The following SQSTM1 variants were observed in gnomAD, a reference collection of about 807,000 sequenced individuals.
SQSTM1 encodes the protein sequestosome-1.
A neutral mutation model predicts 45.1 loss-of-function variants in SQSTM1; 36 were observed. The ratio of observed to expected loss-of-function variants is 0.80; its 90% CI spans 0.61 to 1.05. The LOEUF (loss-of-function observed/expected upper bound fraction) is 1.05, where lower values mean the gene tolerates loss of function less well. Among genes scored for constraint, SQSTM1 ranks in the 50% least tolerant of loss-of-function variants. SQSTM1 has a pLI of 0.00. For missense variants in SQSTM1, 617 were observed against 607.1 expected (o/e 1.02, Z -0.17); for synonymous variants, 290 against 244.3 (o/e 1.19, Z -1.74).
At chr5:179,820,802 C>T, upstream of SQSTM1, 1 of 855,342 alleles carries the variant, frequency 1.2e-6, no homozygotes, top group Non-Finnish European at 1.7e-6. Context: ...CGCGCCGCGA[C>T]GACGGTGGCG....
intron 1 of SQSTM1, among the ~76,000 whole-genome samples, chr5:179,810,628 C>T (rs1183486650): frequency 1.3e-5 from 2 of 152,176 alleles, no homozygotes; most frequent in African/African-American, 4.8e-5. Context: ...TGGGTATATA[C>T]CCAGTAATGG....
chr5:179,817,804 G>A (rs1290908434), upstream of SQSTM1, among the ~76,000 whole-genome samples: 2 of 152,072 alleles, frequency 1.3e-5, no homozygotes, highest in Non-Finnish European at 2.9e-5. Flanking sequence ...GAAGTCAGGA[G>A]TTCAAGACCA....
rs541743046 is a variant in SQSTM1, at chr5:179,837,311, A to G, written c.*718A>G. The G allele has an allele frequency of 1.2e-5, 19 of 1,598,406 alleles. No homozygotes were observed. Among genetic ancestry groups the G allele is most frequent in the Non-Finnish European group, 1.5e-5 (18 of 1,172,010 alleles). ...TAAGTTTATTGTTAATGGTTCTTAC[A>G]GAGTATCTTTAAAAGTGCCTTAGGG... On this transcript the variant is annotated 3_prime_UTR_variant, in exon 8 of 8. Coordinates refer to ENST00000389805, the MANE Select transcript of SQSTM1 (RefSeq NM_003900.5).
chr5:179,814,226 G>A (rs900643832), upstream of SQSTM1, among the ~76,000 whole-genome samples: 4 of 152,186 alleles, frequency 2.6e-5, no homozygotes, highest in Non-Finnish European at 5.9e-5. Flanking sequence ...GAGGGCAGAG[G>A]AAAAGCTTTT....
intron 5 of SQSTM1, among the ~76,000 whole-genome samples, chr5:179,831,985 A>G (rs1203435647): frequency 2.0e-5 from 3 of 152,024 alleles, no homozygotes; most frequent in Admixed American, 1.3e-4. Context: ...GGGTTTCACC[A>G]TATTAGCCAG....
At chr5:179,828,217 A>G (rs1403772879) in intron 5 of SQSTM1, among the ~76,000 whole-genome samples, 1 of 152,188 alleles carries the variant, frequency 6.6e-6, no homozygotes, top group African/African-American at 2.4e-5. Flanking sequence ...TCACGCTTTC[A>G]TCACCAAGTT....
At chr5:179,814,851 G>T (rs777457818), upstream of SQSTM1, among the ~76,000 whole-genome samples, 1 of 152,036 alleles carries the variant, frequency 6.6e-6, no homozygotes, top group Non-Finnish European at 1.5e-5. Flanking sequence ...AGCCCAAGAA[G>T]ATCATGGTTG....
intron 5 of SQSTM1, among the ~76,000 whole-genome samples, chr5:179,832,000 G>GTCTCGA (rs1758248606): frequency 6.6e-6 from 1 of 152,096 alleles, no homozygotes; most frequent in African/African-American, 2.4e-5. Context: ...AGCCAGGGTA[G>GTCTCGA]TCTCGATCTC....
Position 179,837,225 on chromosome 5 carries a change from C to G in SQSTM1, c.*632C>G. ...CCATCCTGTTAAATTTGTAAACAAT[C>G]TAATTAAATGGCATCAGCACTTTAA... On this transcript the variant is annotated 3_prime_UTR_variant, in exon 8 of 8. Coordinates refer to ENST00000389805, the MANE Select transcript of SQSTM1 (RefSeq NM_003900.5). 4 of 1,590,640 alleles carry G rather than the reference C, an allele frequency of 2.5e-6. No individual in the cohort carries two copies. The highest frequency in any genetic ancestry group is 3.4e-6 in the Non-Finnish European group (4 of 1,174,046).
Position 179,824,306 on chromosome 5 carries a change from G to A in SQSTM1, c.656G>A (p.Gly219Asp). The change falls in exon 4 of 8, where the codon GGC becomes GAC. Residue 219 changes from glycine (G) to aspartate (D), a missense_variant. Coordinates refer to ENST00000389805, the MANE Select transcript of SQSTM1 (RefSeq NM_003900.5). Reference sequence around the variant, plus strand: ...CCTCGTGCAGGGGAGGCCCGCCCTGGCCCCACGGCAGAATCAGGTGAGGCT... The same window carrying A: ...CCTCGTGCAGGGGAGGCCCGCCCTGACCCCACGGCAGAATCAGGTGAGGCT... ...RPPRAGEARP[G>D]PTAESASGPS... 6.2e-7 allele frequency: 1 copy of A among 1,613,610 alleles called. No homozygotes were observed. The highest frequency in any genetic ancestry group is 8.5e-7 in the Non-Finnish European group (1 of 1,180,034).
rs1392501507 is a variant in SQSTM1 at position 179,806,467 on chromosome 5, C to T, written c.-281C>T. On this transcript the variant is annotated 5_prime_UTR_variant, in exon 1 of 6. Transcript: ENST00000514093. The surrounding 1 kb of genome is among the most constrained non-coding windows in gnomAD (Gnocchi z 4.6). ...ACGCCCAGGTGCGCCAGGTGCGGGCCGGGCGGGGGTCGCGCTCACCTTTCT... is the reference window on the plus strand; with the variant it reads ...ACGCCCAGGTGCGCCAGGTGCGGGCTGGGCGGGGGTCGCGCTCACCTTTCT... The T allele has an allele frequency of 2.4e-6, 3 of 1,254,868 alleles. No individual in the cohort carries two copies. Among genetic ancestry groups the T allele is most frequent in the Non-Finnish European group, 3.1e-6 (3 of 973,222 alleles). 77.7% of individuals were successfully genotyped at this position (1,254,868 alleles called of 1,614,324 possible).
Position 179,837,533 on chromosome 5 carries a change from T to C in SQSTM1, c.*940T>C. The C allele has an allele frequency of 6.2e-7, 1 of 1,614,214 alleles. No individual in the cohort carries two copies. The highest frequency in any genetic ancestry group is 8.5e-7 in the Non-Finnish European group (1 of 1,180,030). Reference sequence around the variant, plus strand: ...CCATGAGGTCTTCCCGCAAGGCCTCTCAGACCCAGATGTGACGGGGTGTGT... The same window carrying C: ...CCATGAGGTCTTCCCGCAAGGCCTCCCAGACCCAGATGTGACGGGGTGTGT... On this transcript the variant is annotated 3_prime_UTR_variant, in exon 8 of 8. Transcript: ENST00000389805.
chr5:179,817,374 G>A (rs1357663948), upstream of SQSTM1, among the ~76,000 whole-genome samples: 1 of 152,152 alleles, frequency 6.6e-6, no homozygotes, highest in Non-Finnish European at 1.5e-5. Context: ...GTTGACGAGG[G>A]CCGCCCCCAA....
intron 5 of SQSTM1, among the ~76,000 whole-genome samples, chr5:179,827,509 A>C (rs1047807565): frequency 2.0e-5 from 3 of 151,706 alleles, no homozygotes; most frequent in Non-Finnish European, 4.4e-5. Flanking sequence ...TGGTCTCGAT[A>C]TCCTGACCTC....
intron 4 of SQSTM1, among the ~76,000 whole-genome samples, chr5:179,824,924 G>A (rs1318161029): frequency 6.6e-6 from 1 of 152,054 alleles, no homozygotes; most frequent in East Asian, 1.9e-4. Flanking sequence ...CAGGGTCACA[G>A]ATGAGGGGGA....
chr5:179,832,189 G>A (rs528974712), intron 5 of SQSTM1, among the ~76,000 whole-genome samples: 17 of 152,368 alleles, frequency 1.1e-4, no homozygotes, highest in Non-Finnish European at 1.6e-4. Flanking sequence ...TCCAGCAGCA[G>A]GCAAGAGCAG....
chr5:179,821,041 C>G lies in SQSTM1; in HGVS notation c.105C>G (p.Ala35=). ...GCAGCCCCGAGCCTGAGGCGGAAGC[C>G]GAGGCTGCGGCGGGTCCGGGACCCT... The part of the protein sequence containing the change: ...FCCSPEPEAE[A]EAAAGPGPCE... Residue 35 remains alanine (A), a synonymous_variant, in exon 1 of 8, where the codon GCC becomes GCG. Transcript: ENST00000389805. 1 of 1,548,384 alleles carries G rather than the reference C, an allele frequency of 6.5e-7. No individual in the cohort carries two copies. The highest frequency in any genetic ancestry group is 1.2e-5 in the South Asian group (1 of 85,128).
At chr5:179,824,642 G>T (rs1343798358) in intron 4 of SQSTM1, among the ~76,000 whole-genome samples, 1 of 152,194 alleles carries the variant, frequency 6.6e-6, no homozygotes, top group Non-Finnish European at 1.5e-5. Context: ...GATGCACTTT[G>T]TTCTCTTTTG....
exon 2 of SQSTM1, chr5:179,811,612 AC>A (rs1342531934): frequency 1.3e-5 from 2 of 152,292 alleles, no homozygotes. Context: ...CTGCACAAGA[AC>A]CTGGCTTTTA....
Sources: gnomAD v4.1 joint callset for allele counts (sites outside exome capture counted in the v4.1 genomes callset) on GRCh38, gnomAD v4.1.1 for gene constraint, Gnocchi (gnomAD v3.1) non-coding constraint, MANE v1.5 for transcripts, NCBI Gene and HGNC (gene_info 2026-07-23, HGNC 2026-07-21) for gene names.